Variants in GOPC observed in about 807,000 individuals in gnomAD.
GOPC encodes golgi associated PDZ and coiled-coil motif containing.
GOPC carries 32 observed loss-of-function variants against 51.2 expected under a neutral mutation model. That is an observed-to-expected ratio of 0.63 (90% CI 0.47 to 0.84). GOPC has a LOEUF of 0.84. Ranked by LOEUF, GOPC falls within the 40% of genes least tolerant of loss-of-function variation. The pLI is 0.00. For synonymous variants in GOPC, 190 were observed against 205.1 expected, an observed-to-expected ratio of 0.93 and a Z score of 0.63; for missense variants, 441 against 555.5, an observed-to-expected ratio of 0.79 and a Z score of 2.07.
chr6:117,570,481 A>G (rs1044787414), intron 6 of GOPC, among the ~76,000 whole-genome samples: 4 of 152,102 alleles, frequency 2.6e-5, no homozygotes, highest in African/African-American at 7.2e-5. Flanking sequence ...GAAATCTGAC[A>G]GCTAATAAAT....
At chr6:117,590,928 A>G (rs140681652) in intron 1 of GOPC, among the ~76,000 whole-genome samples, 2,946 of 152,196 alleles carry the variant, frequency 0.019, 79 homozygotes, top group African/African-American at 0.067. Flanking sequence ...TCCCAGCTCA[A>G]TGCAACCTCC....
At chr6:117,568,922 C>T (rs954050470) in intron 7 of GOPC, among the ~76,000 whole-genome samples, 2 of 152,176 alleles carry the variant, frequency 1.3e-5, no homozygotes, top group African/African-American at 2.4e-5. Flanking sequence ...ATCCAAGAAA[C>T]ATCTCAATGT....
chr6:117,568,423 C>T (rs1162645627), intron 7 of GOPC, among the ~76,000 whole-genome samples: 2 of 152,092 alleles, frequency 1.3e-5, no homozygotes, highest in African/African-American at 4.8e-5. Context: ...AAGGTTATAC[C>T]TCAGAATTTT....
chr6:117,597,585 G>A (rs1032893087), intron 1 of GOPC, among the ~76,000 whole-genome samples: 28 of 152,186 alleles, frequency 1.8e-4, no homozygotes, highest in African/African-American at 6.8e-4. Context: ...AAGTGTGAGA[G>A]ATGTGAGCAA....
At chr6:117,596,143 T>C (rs1780194181) in intron 1 of GOPC, among the ~76,000 whole-genome samples, 1 of 152,154 alleles carries the variant, frequency 6.6e-6, no homozygotes, top group Non-Finnish European at 1.5e-5. Flanking sequence ...ATTCCTCTGA[T>C]CATTAGTGTT....
chr6:117,589,180 G>C (rs1780077910), intron 1 of GOPC, among the ~76,000 whole-genome samples: 1 of 152,234 alleles, frequency 6.6e-6, no homozygotes, highest in Non-Finnish European at 1.5e-5. Flanking sequence ...ACAAGCTTGA[G>C]ATAGAGTAAG....
At chr6:117,601,777 G>C (rs1015692552) in intron 1 of GOPC, among the ~76,000 whole-genome samples, 1 of 152,108 alleles carries the variant, frequency 6.6e-6, no homozygotes, top group Admixed American at 6.5e-5. Context: ...TTCCTCCTCA[G>C]AGAGATACTA....
intron 1 of GOPC, among the ~76,000 whole-genome samples, chr6:117,598,653 A>G (rs1385346045): frequency 6.6e-6 from 1 of 152,196 alleles, no homozygotes; most frequent in African/African-American, 2.4e-5. Flanking sequence ...ATGAGAATCT[A>G]TATGAGAATC....
intron 8 of GOPC, among the ~76,000 whole-genome samples, chr6:117,565,920 T>C (rs1779687015): frequency 6.6e-6 from 1 of 152,176 alleles, no homozygotes; most frequent in African/African-American, 2.4e-5. Flanking sequence ...CTTTGTTCAG[T>C]GTGCAGAGTA....
chr6:117,575,250 T>C lies in GOPC; in HGVS notation c.577A>G (p.Ile193Val). ...RKENEALRRH[I>V]AVLQAEVYGA... ...TATACTTCAGCCTGGAGAACAGCTA[T>C]ATGTCTACGAAGGGCTTCATTCTCT... Residue 193 changes from isoleucine (I) to valine (V), a missense_variant, in exon 4 of 9, where the codon ATA becomes GTA. By Grantham distance (29) the Ile-to-Val change is conservative. Around this residue, in one of 3 missense-constraint regions of GOPC, gnomAD observed 166 missense variants for 267.0 expected, o/e 0.62. Transcript: ENST00000368498. 1 of 1,613,722 alleles carries C rather than the reference T, an allele frequency of 6.2e-7. No homozygotes were observed. Among genetic ancestry groups the C allele is most frequent in the African/African-American group, 1.3e-5 (1 of 75,050 alleles).
chr6:117,582,656 C>A (rs1248924812), intron 1 of GOPC, among the ~76,000 whole-genome samples: 2 of 150,762 alleles, frequency 1.3e-5, no homozygotes, highest in Non-Finnish European at 3.0e-5. Context: ...GAGTGACATG[C>A]CCTTCCCATC....
At chr6:117,569,932 T>C (rs1779773748) in intron 6 of GOPC, 196 bp from the exon 7 acceptor site, 3 of 544,878 alleles carry the variant, frequency 5.5e-6, no homozygotes, top group Non-Finnish European at 8.5e-6. Context: ...ATTGGCTAAA[T>C]TCTTAAATTA....
In GOPC at chr6:117,578,489, G is replaced by A. The variant is rs565726517; in HGVS notation, c.450+411C>T. Among the ~76,000 whole-genome samples, 180 of 152,104 alleles carry A rather than the reference G, an allele frequency of 1.2e-3. 3 individuals are homozygous for A. In the South Asian group the frequency reaches 0.034, roughly 28 times the overall value. ...GATCTCTAATATTTGTGGAGCTGCC[G>A]TATCAACTCTAGACTGCCGGTCTCA... On this transcript the variant is annotated intron_variant, in intron 2 of 8. Transcript: ENST00000368498.
chr6:117,600,446 T>C (rs1445848707), intron 1 of GOPC, among the ~76,000 whole-genome samples: 5 of 152,164 alleles, frequency 3.3e-5, no homozygotes, highest in Non-Finnish European at 7.3e-5. Flanking sequence ...TACACGAAAT[T>C]TGGGGGACAC....
chr6:117,564,123 A>G (rs1397388446), intron 8 of GOPC, among the ~76,000 whole-genome samples: 1 of 151,962 alleles, frequency 6.6e-6, no homozygotes, highest in Non-Finnish European at 1.5e-5. Flanking sequence ...AGCTACAAGC[A>G]TGTGCCACCA....
chr6:117,602,257 G>T lies in GOPC; in HGVS notation c.32C>A (p.Ala11Asp). Residue 11 changes from alanine to aspartate, a missense_variant, in exon 1 of 9, where the codon GCC (alanine) becomes GAC (aspartate). Ala to Asp is a moderately radical substitution (Grantham distance 126). Transcript: ENST00000368498. ...GGAGGCGCCCCCTGGGCCCCCTCCG[G>T]CTGCTGCTGGGCATGGACCGCCCGC... MSAGGPCPAA[A>D]GGGPGGASCS... 6.3e-7 allele frequency: 1 copy of T among 1,597,370 alleles called. No individual in the cohort carries two copies. The highest frequency in any genetic ancestry group is 8.5e-7 in the Non-Finnish European group (1 of 1,178,620).
At chr6:117,574,543 T>A (rs904162576) in intron 4 of GOPC, among the ~76,000 whole-genome samples, 2 of 152,238 alleles carry the variant, frequency 1.3e-5, no homozygotes, top group Admixed American at 1.3e-4. Flanking sequence ...GAAGTTCTGC[T>A]ATGCATGTGA....
Position 117,560,995 on chromosome 6 carries a change from CA to C in GOPC, c.*2258del. On this transcript the variant is annotated 3_prime_UTR_variant, in exon 9 of 9. Transcript: ENST00000368498. ...TAATAACTAATTCTTAGTTCATCCC[CA>C]AAAACCATACATTCTAAAATGAACT... 4.7e-6 allele frequency: 1 copy of C among 214,632 alleles called. No homozygotes were observed. Among genetic ancestry groups the C allele is most frequent in the East Asian group, 6.9e-5 (1 of 14,456 alleles). 13.3% of individuals were successfully genotyped at this position (214,632 alleles called of 1,614,324 possible).
At chr6:117,563,733 T>C (rs1341818474) in intron 8 of GOPC, among the ~76,000 whole-genome samples, 1 of 140,776 alleles carries the variant, frequency 7.1e-6, no homozygotes, top group East Asian at 2.1e-4. Flanking sequence ...ATTAAAAAAA[T>C]TAAAAAAAAA....
Sources: gnomAD v4.1 joint callset for allele counts (sites outside exome capture counted in the v4.1 genomes callset) on GRCh38, gnomAD v4.1.1 for gene constraint, gnomAD v4.1.1 regional missense constraint, MANE v1.5 for transcripts, NCBI Gene and HGNC (gene_info 2026-07-23, HGNC 2026-07-21) for gene names.